The following PDE9A variants were observed in gnomAD, a reference collection of about 807,000 sequenced individuals.
The protein encoded by PDE9A is phosphodiesterase 9A, also known as high affinity cGMP-specific 3',5'-cyclic phosphodiesterase 9A.
In PDE9A, 60 loss-of-function variants were observed where a neutral mutation model predicts 87.4. The observed-to-expected ratio is 0.69, with a 90% CI of 0.56 to 0.85. The LOEUF is 0.85. PDE9A is among the 40% of genes least tolerant of loss of function. The pLI is 0.00. For synonymous variants in PDE9A, 272 were observed against 279.4 expected (o/e 0.97, Z 0.27); for missense variants, 665 against 779.0 (o/e 0.85, Z 1.74).
At chr21:42,726,624 A>ATATTTTTTTTTTTTTTT in intron 4 of PDE9A, among the ~76,000 whole-genome samples, 2 of 19,774 alleles carry the variant, frequency 1.0e-4, no homozygotes, top group Non-Finnish European at 1.5e-4. Flanking sequence ...ATATATATAT[A>ATATTTTTTTTTTTTTTT]TTTTTTTTTT....
intron 1 of PDE9A, among the ~76,000 whole-genome samples, chr21:42,667,707 C>T (rs1312761755): frequency 6.6e-6 from 1 of 152,142 alleles, no homozygotes; most frequent in African/African-American, 2.4e-5. Flanking sequence ...AAAAGCCTTG[C>T]TGGGCCTTCT....
intron 1 of PDE9A, among the ~76,000 whole-genome samples, chr21:42,662,297 G>T (rs899378408): frequency 6.6e-6 from 1 of 151,972 alleles, no homozygotes; most frequent in African/African-American, 2.4e-5. Flanking sequence ...GTCCGGGCGT[G>T]CGTGAAGGGC....
At chr21:42,685,706 G>A (rs2059423726) in intron 1 of PDE9A, among the ~76,000 whole-genome samples, 1 of 152,106 alleles carries the variant, frequency 6.6e-6, no homozygotes. Context: ...GATCTCAGGT[G>A]ATCCACCCGC....
intron 3 of PDE9A, among the ~76,000 whole-genome samples, chr21:42,693,074 A>G (rs1444201319): frequency 1.3e-5 from 2 of 152,168 alleles, no homozygotes; most frequent in Non-Finnish European, 2.9e-5. Flanking sequence ...TCAGAGCCCC[A>G]CCTGACACGG....
chr21:42,732,072 A>G lies in PDE9A; in HGVS notation c.445A>G (p.Arg149Gly), dbSNP rs1297538124. The change falls in exon 6 of 20, where the codon AGA becomes GGA. Residue 149 changes from arginine to glycine, a missense_variant and splice_region_variant. By Grantham distance (125) the Arg-to-Gly change is moderately radical (BLOSUM62 -2). Coordinates refer to ENST00000291539, the MANE Select transcript of PDE9A (RefSeq NM_002606.3). ...TGTCTTTCTTCTTTGGTTTGTAGAG[A>G]GAGAAGAATTAATCCAGAGCGTGCT... ...YQEGQRIPPE[R>G]EELIQSVLAQ... is the part of the protein sequence containing the mutation. 1 of 1,614,078 alleles carries G rather than the reference A, an allele frequency of 6.2e-7. No individual in the cohort carries two copies. The highest frequency in any genetic ancestry group is 1.7e-5 in the Admixed American group (1 of 60,008).
intron 1 of PDE9A, among the ~76,000 whole-genome samples, chr21:42,679,015 T>C (rs1414845833): frequency 1.3e-5 from 2 of 152,248 alleles, no homozygotes; most frequent in Admixed American, 6.5e-5. Flanking sequence ...TTGGGCTTCA[T>C]GCTGCACCTT....
chr21:42,769,013 T>A lies in PDE9A; in HGVS notation c.1462-14T>A. The stretch of plus-strand genomic sequence containing the variant: ...TTCTGTCTCTAATGTCACTGTCTGC[T>A]GCATTCCCTGCAGAGCGACCGTGAG... On this transcript the variant is annotated splice_polypyrimidine_tract_variant and intron_variant, in intron 16 of 19. Transcript: ENST00000291539. 2 of 1,604,364 alleles carry A rather than the reference T, an allele frequency of 1.2e-6. No individual in the cohort carries two copies. Among genetic ancestry groups the A allele is most frequent in the Non-Finnish European group, 1.7e-6 (2 of 1,173,154 alleles).
At chr21:42,680,151 G>A (rs553325695) in intron 1 of PDE9A, among the ~76,000 whole-genome samples, 2 of 152,352 alleles carry the variant, frequency 1.3e-5, no homozygotes, top group Admixed American at 6.5e-5. Context: ...CTTCTCCTGA[G>A]GCTTCTCCTT....
chr21:42,714,394 G>C (rs1050895002), intron 4 of PDE9A, among the ~76,000 whole-genome samples: 1 of 152,212 alleles, frequency 6.6e-6, no homozygotes, highest in African/African-American at 2.4e-5. Context: ...CAGATGGTGA[G>C]CAGAGCCCCC....
At chr21:42,690,258 C>T (rs752163078) in intron 3 of PDE9A, among the ~76,000 whole-genome samples, 2 of 151,924 alleles carry the variant, frequency 1.3e-5, no homozygotes, top group Non-Finnish European at 2.9e-5. Flanking sequence ...TGGGGTTAGA[C>T]GCGGATGAGG....
At chr21:42,751,309 C>G in intron 9 of PDE9A, 112 bp downstream of exon 9, 1 of 797,222 alleles carries the variant, frequency 1.3e-6, no homozygotes, top group East Asian at 2.4e-5. Context: ...TCAACCGCCC[C>G]TCCCAGCCCT....
At position 42,775,326 on chromosome 21, in the gene PDE9A, G is replaced by C. The variant is rs202110190; in HGVS notation, c.*33G>C. 5 of 1,605,210 alleles carry C rather than the reference G, an allele frequency of 3.1e-6. No individual in the cohort carries two copies. The highest frequency in any genetic ancestry group is 4.3e-6 in the Non-Finnish European group (5 of 1,175,544). ...GGGGGGCGTGGCTGCAGTTCTGGAC[G>C]GGCTGGCCGAGCTGCGCGGGATCCT... On this transcript the variant is annotated 3_prime_UTR_variant, in exon 20 of 20. Coordinates refer to ENST00000291539, the MANE Select transcript of PDE9A (RefSeq NM_002606.3).
intron 1 of PDE9A, among the ~76,000 whole-genome samples, chr21:42,683,915 G>A (rs1321124564): frequency 6.6e-6 from 1 of 152,162 alleles, no homozygotes; most frequent in Non-Finnish European, 1.5e-5. Flanking sequence ...GGGCGGGGTG[G>A]GGCGAGGACT....
At chr21:42,746,728 A>G (rs2053890095) in intron 8 of PDE9A, among the ~76,000 whole-genome samples, 1 of 152,246 alleles carries the variant, frequency 6.6e-6, no homozygotes, top group Non-Finnish European at 1.5e-5. Flanking sequence ...TTGCAGAGGA[A>G]GCCGCCAGGA....
At chr21:42,698,835 TA>T (rs2060282467) in intron 3 of PDE9A, 132 bp from the exon 4 acceptor site, 1 of 544,288 alleles carries the variant, frequency 1.8e-6, no homozygotes, top group Non-Finnish European at 3.3e-6. Context: ...GAAGCTAATT[TA>T]AAAAATAAAA....
chr21:42,666,099 C>G (rs182378077), intron 1 of PDE9A, among the ~76,000 whole-genome samples: 1 of 152,322 alleles, frequency 6.6e-6, no homozygotes, highest in African/African-American at 2.4e-5. Context: ...GAAAGCAGCC[C>G]TGGGGTGGGG....
chr21:42,672,678 G>A (rs541936622), intron 1 of PDE9A, among the ~76,000 whole-genome samples: 14 of 152,386 alleles, frequency 9.2e-5, no homozygotes, highest in African/African-American at 3.1e-4. Flanking sequence ...AAACCACAGT[G>A]AGGTCAAATG....
At chr21:42,687,476 T>C (rs956293149) in intron 2 of PDE9A, among the ~76,000 whole-genome samples, 3 of 152,050 alleles carry the variant, frequency 2.0e-5, no homozygotes, top group Admixed American at 2.0e-4. Flanking sequence ...ACATGTGAGG[T>C]TGGAGGAAGA....
At chr21:42,768,650 C>G (rs1398941119) in intron 16 of PDE9A, 10 of 985,336 alleles carry the variant, frequency 1.0e-5, no homozygotes, top group African/African-American at 1.7e-5. Context: ...TCAGCTCACA[C>G]AGATGGCCAC....
Sources: gnomAD v4.1 joint callset for allele counts (sites outside exome capture counted in the v4.1 genomes callset) on GRCh38, gnomAD v4.1.1 for gene constraint, MANE v1.5 for transcripts, NCBI Gene and HGNC (gene_info 2026-07-23, HGNC 2026-07-21) for gene names.